PCDHGA2: variants seen among roughly 807,000 people sequenced by gnomAD.
The protein encoded by PCDHGA2 is protocadherin gamma-A2.
PCDHGA2 carries 40 observed loss-of-function variants against 59.2 expected under a neutral mutation model. That is an observed-to-expected ratio of 0.68 (90% CI 0.52 to 0.88). The LOEUF is 0.88. PCDHGA2 is among the 40% of genes least tolerant of loss of function. PCDHGA2 has a pLI of 0.00. For synonymous variants in PCDHGA2, 560 were observed against 526.0 expected, an observed-to-expected ratio of 1.06 and a Z score of -0.89; for missense variants, 1,226 against 1,204.0, an observed-to-expected ratio of 1.02 and a Z score of -0.27.
Position 141,486,772 on chromosome 5 carries a change from T to A in PCDHGA2, c.2425-8035T>A. ...ATGAGCAAACCCAGACACTGCAGTT[T>A]GAGGTGCAGGCCCGGGATCGGGGCA... is the stretch of plus-strand genomic sequence containing the variant. On this transcript the variant is annotated intron_variant, in intron 1 of 3. Coordinates refer to ENST00000394576, the MANE Select transcript of PCDHGA2 (RefSeq NM_018915.4). The surrounding 1 kb of genome is among the most constrained non-coding windows in gnomAD (Gnocchi z 5.0). 1 of 1,614,246 alleles carries A rather than the reference T, an allele frequency of 6.2e-7. No homozygotes were observed. Among genetic ancestry groups the A allele is most frequent in the South Asian group, 1.1e-5 (1 of 91,088 alleles).
In PCDHGA2 at chr5:141,431,570, G is replaced by A. The variant is rs754760314; in HGVS notation, c.2425-63237G>A. 7 of 1,614,172 alleles carry A rather than the reference G, an allele frequency of 4.3e-6. No individual in the cohort carries two copies. Among genetic ancestry groups the A allele is most frequent in the Non-Finnish European group, 5.9e-6 (7 of 1,180,024 alleles). ...TGTAGTCAACGCTACCGACCCTGAC[G>A]AAGGAGTCAATGCGGAAGTGAGGTA... On this transcript the variant is annotated intron_variant, in intron 1 of 3. Transcript: ENST00000394576. The surrounding 1 kb of genome is among the most constrained non-coding windows in gnomAD (Gnocchi z 4.8).
chr5:141,374,275 C>A (rs3749775), intron 1 of PCDHGA2: 85,315 of 1,613,944 alleles, frequency 0.053, 2,491 homozygotes, highest in African/African-American at 0.097. Flanking sequence ...AGCACGGAGT[C>A]CGCATCGTCT....
At chr5:141,463,844 G>T (rs545618795) in intron 1 of PCDHGA2, among the ~76,000 whole-genome samples, 1 of 152,140 alleles carries the variant, frequency 6.6e-6, no homozygotes, top group African/African-American at 2.4e-5. Context: ...AGTTGTTATA[G>T]TGGTATATCT....
chr5:141,339,389 C>T lies in PCDHGA2; in HGVS notation c.418C>T (p.Leu140=). ...TCGCTTTGGAGTAGAGGAACTGGAG[C>T]TAAAAATCAGTGAAACCACTACGCC... ...APRFGVEELE[L]KISETTTPGF... Residue 140 remains leucine, a synonymous_variant, in exon 1 of 4, where the codon CTA becomes TTA. Transcript: ENST00000394576. The T allele has an allele frequency of 6.2e-7, 1 of 1,614,168 alleles. No homozygotes were observed. The highest frequency in any genetic ancestry group is 8.5e-7 in the Non-Finnish European group (1 of 1,180,016).
chr5:141,339,306 A>G lies in PCDHGA2; in HGVS notation c.335A>G (p.Asp112Gly), dbSNP rs1170769341. 1 of 1,614,232 alleles carries G rather than the reference A, an allele frequency of 6.2e-7. No individual in the cohort carries two copies. ...CLLNFNILLE[D>G]KLTIYSVEVE... Reference sequence around the variant, plus strand: ...TTGAATTTTAACATTCTGCTGGAGGATAAATTGACTATTTATTCAGTAGAG... The same window carrying G: ...TTGAATTTTAACATTCTGCTGGAGGGTAAATTGACTATTTATTCAGTAGAG... The change falls in exon 1 of 4, where the codon GAT becomes GGT. Residue 112 changes from aspartate (D) to glycine (G), a missense_variant. Transcript: ENST00000394576.
intron 1 of PCDHGA2, chr5:141,361,702 G>A (rs999064726): frequency 1.2e-6 from 2 of 1,613,332 alleles, no homozygotes; most frequent in African/African-American, 1.3e-5. Flanking sequence ...CTTCGATCAT[G>A]AGCAGCTGCG....
At chr5:141,462,781 G>C (rs893647456) in intron 1 of PCDHGA2, among the ~76,000 whole-genome samples, 1 of 152,102 alleles carries the variant, frequency 6.6e-6, no homozygotes, top group Non-Finnish European at 1.5e-5. Flanking sequence ...GTCATAATTT[G>C]TTGCTTATTT....
chr5:141,350,304 T>A, intron 1 of PCDHGA2: 1 of 1,521,476 alleles, frequency 6.6e-7, no homozygotes, highest in Non-Finnish European at 8.8e-7. Flanking sequence ...AGTCAGGTAC[T>A]GTTTCCCTTC....
intron 1 of PCDHGA2, chr5:141,430,849 G>A: frequency 6.3e-7 from 1 of 1,582,030 alleles, no homozygotes; most frequent in Non-Finnish European, 8.6e-7. Flanking sequence ...GATGCACCCA[G>A]ATACGCTATT....
intron 1 of PCDHGA2, among the ~76,000 whole-genome samples, chr5:141,444,472 C>T (rs559334960): frequency 2.1e-4 from 32 of 151,968 alleles, no homozygotes; most frequent in Admixed American, 1.5e-3. Flanking sequence ...CGCCCGGTCG[C>T]GTACTGGATT....
At chr5:141,350,553 AG>A (rs1265206286) in intron 1 of PCDHGA2, 1 of 1,613,934 alleles carries the variant, frequency 6.2e-7, no homozygotes, top group African/African-American at 1.3e-5. Context: ...AGGAAACTTG[AG>A]TGTGCACTAG....
At chr5:141,414,491 A>T in intron 1 of PCDHGA2, 1 of 1,613,962 alleles carries the variant, frequency 6.2e-7, no homozygotes, top group Non-Finnish European at 8.5e-7. Flanking sequence ...CTATCAACGG[A>T]AGCTCACTTT....
intron 1 of PCDHGA2, chr5:141,383,093 G>T (rs1778804581): frequency 1.2e-5 from 20 of 1,613,930 alleles, no homozygotes; most frequent in Non-Finnish European, 1.7e-5. Flanking sequence ...CGCGGAGTCC[G>T]CATCATCTCC....
Position 141,431,615 on chromosome 5 carries a change from G to A in PCDHGA2, c.2425-63192G>A. 1.2e-6 allele frequency: 2 copies of A among 1,614,236 alleles called. No homozygotes were observed. Among genetic ancestry groups the A allele is most frequent in the Non-Finnish European group, 1.7e-6 (2 of 1,180,042 alleles). ...GAGGTATTCCTTCCGGTATGTGGACGACAAGGCGGCCCAAGTTTTCAAACT... is the reference window on the plus strand; with the variant it reads ...GAGGTATTCCTTCCGGTATGTGGACAACAAGGCGGCCCAAGTTTTCAAACT... On this transcript the variant is annotated intron_variant, in intron 1 of 3. Coordinates refer to ENST00000394576, the MANE Select transcript of PCDHGA2 (RefSeq NM_018915.4). The surrounding 1 kb of genome is among the most constrained non-coding windows in gnomAD (Gnocchi z 4.8).
At chr5:141,420,018 G>A (rs2096458708) in intron 1 of PCDHGA2, 2 of 1,613,948 alleles carry the variant, frequency 1.2e-6, no homozygotes, top group African/African-American at 1.3e-5. Flanking sequence ...CAGTCTTTCA[G>A]CCCTACTGCA....
intron 1 of PCDHGA2, chr5:141,375,877 G>C (rs752155500): frequency 3.1e-6 from 5 of 1,613,794 alleles, no homozygotes; most frequent in South Asian, 1.1e-5. Flanking sequence ...ACAGAGACTC[G>C]GGCCAGAACG....
chr5:141,375,971 C>G (rs1412854322), intron 1 of PCDHGA2: 1 of 1,613,374 alleles, frequency 6.2e-7, no homozygotes, highest in Non-Finnish European at 8.5e-7. Context: ...GCGCACGGCG[C>G]GCGCCCTGCT....
intron 1 of PCDHGA2, chr5:141,370,869 G>C: frequency 6.2e-7 from 1 of 1,614,036 alleles, no homozygotes. Context: ...ATCTGCGCAA[G>C]ATCCTGATGT....
intron 1 of PCDHGA2, chr5:141,403,422 C>T (rs749764130): frequency 6.2e-7 from 1 of 1,613,912 alleles, no homozygotes; most frequent in Admixed American, 1.7e-5. Flanking sequence ...CTTCCAGAAG[C>T]TATTGATCCG....
Sources: gnomAD v4.1 joint callset for allele counts (sites outside exome capture counted in the v4.1 genomes callset) on GRCh38, gnomAD v4.1.1 for gene constraint, Gnocchi (gnomAD v3.1) non-coding constraint, MANE v1.5 for transcripts, NCBI Gene and HGNC (gene_info 2026-07-23, HGNC 2026-07-21) for gene names.